Variants in BRINP3 observed in about 807,000 individuals in gnomAD.
BRINP3 encodes the protein BMP/retinoic acid inducible neural specific 3.
A neutral mutation model predicts 71.0 loss-of-function variants in BRINP3; 19 were observed. The observed-to-expected ratio is 0.27, with a 90% CI of 0.19 to 0.39. The LOEUF is 0.39. Ranked by LOEUF, BRINP3 falls within the 10% of genes least tolerant of loss-of-function variation. The probability of loss-of-function intolerance (pLI) is 1.00; values close to 1 mark genes in which losing one functional copy is unlikely to be tolerated. For synonymous variants in BRINP3, 380 were observed against 337.7 expected (o/e 1.13, Z -1.37); for missense variants, 959 against 940.8 (o/e 1.02, Z -0.25).
At chr1:190,344,204 T>C (rs1667860881) in intron 2 of BRINP3, among the ~76,000 whole-genome samples, 1 of 151,842 alleles carries the variant, frequency 6.6e-6, no homozygotes, top group Admixed American at 6.6e-5. Flanking sequence ...ACTAAATTTT[T>C]TGAGACCTTT....
At position 190,198,100 on chromosome 1, in the gene BRINP3, G is replaced by A. The variant is rs146318797; in HGVS notation, c.961+27982C>T. ...GCTTGAAGCTACCAACCCTCTGAAG[G>A]GTGCAAACAGTCTGAGCTGTATGTT... is the stretch of plus-strand genomic sequence containing the variant. On this transcript the variant is annotated intron_variant, in intron 6 of 7. Transcript: ENST00000367462. 4.9e-3 allele frequency among the ~76,000 whole-genome samples: 744 copies of A among 152,036 alleles called. 6 individuals are homozygous for A. Among genetic ancestry groups the A allele is most frequent in the African/African-American group, 0.016 (669 of 41,522 alleles).
At chr1:190,313,597 C>T (rs1665680847) in intron 2 of BRINP3, among the ~76,000 whole-genome samples, 1 of 151,988 alleles carries the variant, frequency 6.6e-6, no homozygotes, top group South Asian at 2.1e-4. Flanking sequence ...ATTCTTACAA[C>T]ATCATCAACA....
intron 7 of BRINP3, among the ~76,000 whole-genome samples, chr1:190,122,079 G>A (rs1653712219): frequency 6.6e-6 from 1 of 152,114 alleles, no homozygotes; most frequent in Non-Finnish European, 1.5e-5. Flanking sequence ...AACTGCCTGT[G>A]AGAACTCCAC....
intron 7 of BRINP3, among the ~76,000 whole-genome samples, chr1:190,103,901 CCAGT>C (rs1167180204): frequency 2.0e-5 from 3 of 151,156 alleles, no homozygotes; most frequent in Non-Finnish European, 3.0e-5. Flanking sequence ...CATTCTGGGG[CCAGT>C]CACTTTTTTT....
At chr1:190,386,761 T>C (rs563363455) in intron 2 of BRINP3, among the ~76,000 whole-genome samples, 40 of 152,076 alleles carry the variant, frequency 2.6e-4, no homozygotes, top group African/African-American at 8.7e-4. Context: ...GTGAATAATA[T>C]ATAGTTCATG....
At chr1:190,201,717 T>C (rs1392801725) in intron 6 of BRINP3, among the ~76,000 whole-genome samples, 1 of 151,894 alleles carries the variant, frequency 6.6e-6, no homozygotes, top group African/African-American at 2.4e-5. Context: ...TAGACCAACA[T>C]AGAATTCGGA....
intron 2 of BRINP3, among the ~76,000 whole-genome samples, chr1:190,386,805 A>G (rs1020978906): frequency 1.3e-5 from 2 of 152,072 alleles, no homozygotes; most frequent in East Asian, 1.9e-4. Flanking sequence ...CTATACAAAT[A>G]AAGGGCTTAC....
chr1:190,123,958 T>A (rs143599722), intron 7 of BRINP3, among the ~76,000 whole-genome samples: 1 of 152,192 alleles, frequency 6.6e-6, no homozygotes, highest in Non-Finnish European at 1.5e-5. Flanking sequence ...CTGTATATTA[T>A]CTGAATTGTC....
chr1:190,108,483 T>G (rs1302029465), intron 7 of BRINP3, among the ~76,000 whole-genome samples: 1 of 151,636 alleles, frequency 6.6e-6, no homozygotes, highest in Non-Finnish European at 1.5e-5. Context: ...TGACTTTGCT[T>G]TTCAGGGAGA....
At chr1:190,195,475 T>C (rs1328338797) in intron 6 of BRINP3, among the ~76,000 whole-genome samples, 1 of 151,992 alleles carries the variant, frequency 6.6e-6, no homozygotes, top group Non-Finnish European at 1.5e-5. Context: ...CTTAATTTTA[T>C]AGCAAACTTT....
chr1:190,454,635 G>A lies in BRINP3; in HGVS notation c.236+20C>T. The A allele has an allele frequency of 6.3e-7, 1 of 1,590,902 alleles. No homozygotes were observed. Among genetic ancestry groups the A allele is most frequent in the Non-Finnish European group, 8.6e-7 (1 of 1,160,946 alleles). On this transcript the variant is annotated intron_variant, in intron 2 of 7. Coordinates refer to ENST00000367462, the MANE Select transcript of BRINP3 (RefSeq NM_199051.3). ...CTTCAAGGATGATATTTCTGTAATT[G>A]CTTTCCCTTTGCTTCATACCTGTAT... is the stretch of plus-strand genomic sequence containing the variant.
chr1:190,345,237 G>A lies in BRINP3; in HGVS notation c.237-63487C>T, dbSNP rs573665326. On this transcript the variant is annotated intron_variant, in intron 2 of 7. Transcript: ENST00000367462. ...TAACCAGTTGTGCATGTTCATAATCGTTCCAGAAAAGAGACACAGATTTTC... is the reference window on the plus strand; with the variant it reads ...TAACCAGTTGTGCATGTTCATAATCATTCCAGAAAAGAGACACAGATTTTC... Among the ~76,000 whole-genome samples, 6 of 151,692 alleles carry A rather than the reference G, an allele frequency of 4.0e-5. No individual in the cohort carries two copies. In the South Asian group the frequency reaches 1.0e-3, roughly 26 times the overall value.
rs374296797 is a variant in BRINP3 at position 190,131,710 on chromosome 1, CCA to C, written c.1184+28956_1184+28957del. Among the ~76,000 whole-genome samples, 27 of 152,126 alleles carry C rather than the reference CCA, an allele frequency of 1.8e-4. 1 individual carries two copies. Among genetic ancestry groups the C allele is most frequent in the African/African-American group, 6.5e-4 (27 of 41,540 alleles). ...CATTCTCCTGCTCCAACAATTCAGC[CCA>C]CAGTTAATTCACATTGTGGACTTAC... On this transcript the variant is annotated intron_variant, in intron 7 of 7. Transcript: ENST00000367462.
intron 2 of BRINP3, among the ~76,000 whole-genome samples, chr1:190,451,578 CTT>C (rs879267060): frequency 6.8e-6 from 1 of 146,352 alleles, no homozygotes; most frequent in Non-Finnish European, 1.5e-5. Context: ...TTAGAAATGC[CTT>C]TTTTTTTTTA....
At chr1:190,187,027 T>C (rs563575978) in intron 6 of BRINP3, among the ~76,000 whole-genome samples, 1 of 152,250 alleles carries the variant, frequency 6.6e-6, no homozygotes, top group East Asian at 1.9e-4. Flanking sequence ...ACGCAGAGTT[T>C]GTGTTAGAAC....
chr1:190,189,046 T>C (rs1431657755), intron 6 of BRINP3, among the ~76,000 whole-genome samples: 1 of 151,912 alleles, frequency 6.6e-6, no homozygotes, highest in Non-Finnish European at 1.5e-5. Flanking sequence ...AGGCGTGAGC[T>C]GGTATCTTGT....
At chr1:190,325,355 C>T (rs978899006) in intron 2 of BRINP3, among the ~76,000 whole-genome samples, 3 of 151,832 alleles carry the variant, frequency 2.0e-5, no homozygotes, top group East Asian at 3.9e-4. Flanking sequence ...AATATCGCTG[C>T]CTATACTAGT....
chr1:190,195,987 T>C (rs560237674), intron 6 of BRINP3, among the ~76,000 whole-genome samples: 1 of 152,258 alleles, frequency 6.6e-6, no homozygotes, highest in East Asian at 1.9e-4. Flanking sequence ...GTAAGATAAC[T>C]GTTGGCAGTT....
intron 2 of BRINP3, among the ~76,000 whole-genome samples, chr1:190,425,248 T>C (rs553264696): frequency 4.0e-4 from 60 of 151,854 alleles, no homozygotes; most frequent in Non-Finnish European, 6.9e-4. Flanking sequence ...ATAAAATAAT[T>C]GATAAAGTTA....
Sources: gnomAD v4.1 joint callset for allele counts (sites outside exome capture counted in the v4.1 genomes callset) on GRCh38, gnomAD v4.1.1 for gene constraint, MANE v1.5 for transcripts, NCBI Gene and HGNC (gene_info 2026-07-23, HGNC 2026-07-21) for gene names.